The following CNTF variants were observed in gnomAD, a reference collection of about 807,000 sequenced individuals.
The protein encoded by CNTF is ciliary neurotrophic factor.
CNTF carries 14 observed loss-of-function variants against 13.0 expected under a neutral mutation model. The ratio of observed to expected loss-of-function variants is 1.07; its 90% CI spans 0.71 to 1.68. CNTF has a LOEUF of 1.68. Ranked by LOEUF, CNTF falls within the 40% of genes most tolerant of loss-of-function variation. The probability of loss-of-function intolerance (pLI) is 0.00; values close to 1 mark genes in which losing one functional copy is unlikely to be tolerated. For synonymous variants in CNTF, 98 were observed against 92.4 expected (o/e 1.06, Z -0.35); for missense variants, 283 against 252.5 (o/e 1.12, Z -0.82).
In CNTF at chr11:58,624,347, C is replaced by T. The variant is rs1449059479; in HGVS notation, c.428C>T (p.Pro143Leu). The T allele has an allele frequency of 6.2e-7, 1 of 1,613,782 alleles. No homozygotes were observed. Among genetic ancestry groups the T allele is most frequent in the Non-Finnish European group, 8.5e-7 (1 of 1,179,978 alleles). ...KIPRNEADGM[P>L]INVGDGGLFE... The stretch of plus-strand genomic sequence containing the variant: ...CCCCGCAATGAGGCTGATGGGATGC[C>T]TATTAATGTTGGAGATGGTGGTCTC... Residue 143 changes from proline (P) to leucine (L), a missense_variant, in exon 2 of 2, where the codon CCT becomes CTT. Physicochemically the swap from Pro to Leu is moderately conservative, Grantham distance 98. Transcript: ENST00000361987.
rs1031686584 is a variant in CNTF at position 58,625,305 on chromosome 11, G to C, written c.*783G>C. ...CATCGCTGGAAAACAGCTGCTGTTA[G>C]ATGTCCTCAGAAGTCAGTTGCAAAT... On this transcript the variant is annotated 3_prime_UTR_variant, in exon 2 of 2. Transcript: ENST00000361987. The C allele has an allele frequency of 2.0e-5, 3 of 152,246 alleles. No homozygotes were observed. Among genetic ancestry groups the C allele is most frequent in the Non-Finnish European group, 4.4e-5 (3 of 68,064 alleles). The allele number at this position is 152,246 out of a possible 1,614,324, so 9.4% of individuals were successfully genotyped here. A position where few individuals can be genotyped will look rare whatever the true frequency, so the allele number is the denominator to read the frequency against.
At position 58,625,562 on chromosome 11, in the gene CNTF, T is replaced by C. The variant is rs1855919239; in HGVS notation, c.*1040T>C. ...CACTTTTAATTAGTGATGCAGGCAG[T>C]GTAACCCAAGCATTTGTGGACAATG... On this transcript the variant is annotated 3_prime_UTR_variant, in exon 2 of 2. Transcript: ENST00000361987. 6.6e-6 allele frequency: 1 copy of C among 152,318 alleles called. No individual in the cohort carries two copies. Among genetic ancestry groups the C allele is most frequent in the East Asian group, 1.9e-4 (1 of 5,192 alleles). The allele number at this position is 152,318 out of a possible 1,614,324, so 9.4% of individuals were successfully genotyped here. A position where few individuals can be genotyped will look rare whatever the true frequency, so the allele number is the denominator to read the frequency against.
Position 58,625,081 on chromosome 11 carries a change from T to TA in CNTF, c.*560dup, listed in dbSNP as rs567700940. ...TACAACCTTGTGAGCAAGGTGGTGTTACTCCCATTAGGTAGATGAGAAAAC... is the reference window on the plus strand; with the variant it reads ...TACAACCTTGTGAGCAAGGTGGTGTTAACTCCCATTAGGTAGATGAGAAAAC... On this transcript the variant is annotated 3_prime_UTR_variant, in exon 2 of 2. Transcript: ENST00000361987. The TA allele has an allele frequency of 3.4e-3, 528 of 153,796 alleles. 3 individuals are homozygous for TA. The highest frequency in any genetic ancestry group is 6.4e-3 in the Non-Finnish European group (440 of 69,082). The allele number at this position is 153,796 out of a possible 1,614,324, so 9.5% of individuals were successfully genotyped here. A position where few individuals can be genotyped will look rare whatever the true frequency, so the allele number is the denominator to read the frequency against.
chr11:58,623,721 T>C (rs984263103), intron 1 of CNTF, among the ~76,000 whole-genome samples: 23 of 152,216 alleles, frequency 1.5e-4, no homozygotes, highest in Admixed American at 1.5e-3. Context: ...GATTAAAATA[T>C]TCCAGTTAAT....
At position 58,624,040 on chromosome 11, in the gene CNTF, C is replaced by T; in HGVS notation, c.121C>T (p.His41Tyr). 2 of 1,612,184 alleles carry T rather than the reference C, an allele frequency of 1.2e-6. No individual in the cohort carries two copies. The highest frequency in any genetic ancestry group is 1.7e-6 in the Non-Finnish European group (2 of 1,179,090). Residue 41 changes from histidine (H) to tyrosine (Y), a missense_variant, in exon 2 of 2, where the codon CAT becomes TAT. His to Tyr is a moderately conservative substitution (Grantham distance 83). Transcript: ENST00000361987. Reference sequence around the variant, plus strand: ...TTCCTGTATCCTCGGCCAGGTGAAGCATCAGGGCCTGAACAAGAACATCAA... The same window carrying T: ...TTCCTGTATCCTCGGCCAGGTGAAGTATCAGGGCCTGAACAAGAACATCAA... ...LTALTESYVK[H>Y]QGLNKNINLD...
rs201782463 is a variant in CNTF at position 58,624,912 on chromosome 11, C to G, written c.*390C>G. The G allele has an allele frequency of 1.0e-5, 2 of 197,046 alleles. No individual in the cohort carries two copies. The highest frequency in any genetic ancestry group is 2.8e-4 in the East Asian group (2 of 7,106). 12.2% of individuals were successfully genotyped at this position (197,046 alleles called of 1,614,324 possible). ...ATATGTTAATTCTAGTCCTGGATGACTCGGTCTGAGAAGATTCAATTTAAA... is the reference window on the plus strand; with the variant it reads ...ATATGTTAATTCTAGTCCTGGATGAGTCGGTCTGAGAAGATTCAATTTAAA... On this transcript the variant is annotated 3_prime_UTR_variant, in exon 2 of 2. Coordinates refer to ENST00000361987, the MANE Select transcript of CNTF (RefSeq NM_000614.4).
At chr11:58,623,927 GA>G in intron 1 of CNTF, 106 bp from the exon 2 acceptor site, 1 of 1,456,418 alleles carries the variant, frequency 6.9e-7, no homozygotes, top group Non-Finnish European at 9.2e-7. Context: ...TTACAACTTG[GA>G]TCCTTGGCCA....
In CNTF at chr11:58,622,834, C is replaced by T. The variant is rs761605079; in HGVS notation, c.82C>T (p.Arg28Cys). The T allele has an allele frequency of 2.2e-5, 35 of 1,613,838 alleles. No homozygotes were observed. The highest frequency in any genetic ancestry group is 4.4e-5 in the South Asian group (4 of 91,064). ...CTCTATCTGGCTAGCAAGGAAGATT[C>T]GTTCAGACCTGACTGCTCTTACGGA... The part of the protein sequence containing the change: ...SRSIWLARKI[R>C]SDLTALTESY... Residue 28 changes from arginine (R) to cysteine (C), a missense_variant, in exon 1 of 2, where the codon CGT becomes TGT. Arg to Cys is a radical substitution (Grantham distance 180). Transcript: ENST00000361987.
chr11:58,622,733 T>A lies in CNTF; in HGVS notation c.-20T>A. 1 of 1,589,816 alleles carries A rather than the reference T, an allele frequency of 6.3e-7. No individual in the cohort carries two copies. ...AAGTAAACCCAGCTGACTTGTTTCC[T>A]GGGACAGTTGAGTTAAGGGATGGCT... On this transcript the variant is annotated 5_prime_UTR_variant, in exon 1 of 2. Coordinates refer to ENST00000361987, the MANE Select transcript of CNTF (RefSeq NM_000614.4).
rs1855898873 is a variant in CNTF at position 58,624,363 on chromosome 11, T to C, written c.444T>C (p.Asp148=). 5.6e-6 allele frequency: 9 copies of C among 1,613,856 alleles called. No homozygotes were observed. The highest frequency in any genetic ancestry group is 1.3e-5 in the African/African-American group (1 of 74,878). Reference sequence around the variant, plus strand: ...ATGGGATGCCTATTAATGTTGGAGATGGTGGTCTCTTTGAGAAGAAGCTGT... The same window carrying C: ...ATGGGATGCCTATTAATGTTGGAGACGGTGGTCTCTTTGAGAAGAAGCTGT... ...EADGMPINVG[D]GGLFEKKLWG... is the part of the protein sequence containing the mutation. The change falls in exon 2 of 2, where the codon GAT becomes GAC. Residue 148 remains aspartate, a synonymous_variant. Coordinates refer to ENST00000361987, the MANE Select transcript of CNTF (RefSeq NM_000614.4).
chr11:58,623,157 A>C (rs999784219), intron 1 of CNTF, among the ~76,000 whole-genome samples: 2 of 152,306 alleles, frequency 1.3e-5, no homozygotes, highest in East Asian at 3.9e-4. Context: ...TATATTCTGA[A>C]TACTACTAGA....
rs1485506060 is a variant in CNTF at position 58,624,948 on chromosome 11, T to C, written c.*426T>C. On this transcript the variant is annotated 3_prime_UTR_variant, in exon 2 of 2. Transcript: ENST00000361987. ...AAGATTCAATTTAAAATCAGACTCT[T>C]TAGTTGATTTAAACTCTTAGAGAAT... is the stretch of plus-strand genomic sequence containing the variant. The C allele has an allele frequency of 1.1e-5, 2 of 184,842 alleles. No homozygotes were observed. The highest frequency in any genetic ancestry group is 2.3e-5 in the Non-Finnish European group (2 of 87,826). The allele number at this position is 184,842 out of a possible 1,614,324, so 11.5% of individuals were successfully genotyped here. A position where few individuals can be genotyped will look rare whatever the true frequency, so the allele number is the denominator to read the frequency against.
chr11:58,624,311 A>T lies in CNTF; in HGVS notation c.392A>T (p.Glu131Val). The change falls in exon 2 of 2, where the codon GAA becomes GTA. Residue 131 changes from glutamate to valine, a missense_variant. Glu to Val is a moderately radical substitution (Grantham distance 121, BLOSUM62 -2). Coordinates refer to ENST00000361987, the MANE Select transcript of CNTF (RefSeq NM_000614.4). Reference sequence around the variant, plus strand: ...ATAGAGGAGTTAATGATACTCCTGGAATACAAGATCCCCCGCAATGAGGCT... The same window carrying T: ...ATAGAGGAGTTAATGATACTCCTGGTATACAAGATCCCCCGCAATGAGGCT... Reference protein sequence around the residue: ...YQIEELMILLEYKIPRNEADG... With the variant: ...YQIEELMILLVYKIPRNEADG... 1 of 1,613,876 alleles carries T rather than the reference A, an allele frequency of 6.2e-7. No individual in the cohort carries two copies. Among genetic ancestry groups the T allele is most frequent in the Non-Finnish European group, 8.5e-7 (1 of 1,179,974 alleles).
At position 58,624,814 on chromosome 11, in the gene CNTF, T is replaced by C. The variant is rs1855908371; in HGVS notation, c.*292T>C. ...GGGAGCAGGGACAACGTCCTTCCAC[T>C]TCAGGGTTCTAACCTTTCTAACCCA... On this transcript the variant is annotated 3_prime_UTR_variant, in exon 2 of 2. Transcript: ENST00000361987. The C allele has an allele frequency of 3.7e-5, 14 of 382,862 alleles. No homozygotes were observed. The highest frequency in any genetic ancestry group is 3.2e-4 in the South Asian group (13 of 40,874). The allele number at this position is 382,862 out of a possible 1,614,324, so 23.7% of individuals were successfully genotyped here.
At position 58,624,074 on chromosome 11, in the gene CNTF, C is replaced by T; in HGVS notation, c.155C>T (p.Ser52Phe). ...QGLNKNINLD[S>F]ADGMPVASTD... Reference sequence around the variant, plus strand: ...CTGAACAAGAACATCAACCTGGACTCTGCGGATGGGATGCCAGTGGCAAGC... The same window carrying T: ...CTGAACAAGAACATCAACCTGGACTTTGCGGATGGGATGCCAGTGGCAAGC... The change falls in exon 2 of 2, where the codon TCT (serine) becomes TTT (phenylalanine). Residue 52 changes from serine to phenylalanine, a missense_variant. Coordinates refer to ENST00000361987, the MANE Select transcript of CNTF (RefSeq NM_000614.4). 1 of 1,611,670 alleles carries T rather than the reference C, an allele frequency of 6.2e-7. No individual in the cohort carries two copies. Among genetic ancestry groups the T allele is most frequent in the Non-Finnish European group, 8.5e-7 (1 of 1,178,786 alleles).
In CNTF at chr11:58,624,500, T is replaced by C. The variant is rs532550435; in HGVS notation, c.581T>C (p.Ile194Thr). The change falls in exon 2 of 2, where the codon ATT (isoleucine) becomes ACT (threonine). Residue 194 changes from isoleucine to threonine, a missense_variant. Coordinates refer to ENST00000361987, the MANE Select transcript of CNTF (RefSeq NM_000614.4). ...TGIPARGSHYIANNKKM is the reference protein window; with the variant it reads ...TGIPARGSHYTANNKKM Reference sequence around the variant, plus strand: ...ATCCCAGCACGTGGGAGCCATTATATTGCTAACAACAAGAAAATGTAGCAG... The same window carrying C: ...ATCCCAGCACGTGGGAGCCATTATACTGCTAACAACAAGAAAATGTAGCAG... 1.1e-5 allele frequency: 18 copies of C among 1,613,952 alleles called. No homozygotes were observed. The highest frequency in any genetic ancestry group is 1.4e-5 in the Non-Finnish European group (17 of 1,179,984).
intron 1 of CNTF, among the ~76,000 whole-genome samples, 196 bp from the exon 2 acceptor site, chr11:58,623,838 T>C (rs1320289703): frequency 1.3e-5 from 2 of 152,168 alleles, no homozygotes; most frequent in East Asian, 3.8e-4. Flanking sequence ...GGTAGTCAAT[T>C]TCAGGCAGTA....
chr11:58,622,932 A>C (rs140069746), intron 1 of CNTF, 66 bp downstream of exon 1: 167 of 1,076,318 alleles, frequency 1.6e-4, no homozygotes, highest in Non-Finnish European at 2.1e-4. Flanking sequence ...ACTTACCATC[A>C]CGCATCAGCT....
At position 58,622,728 on chromosome 11, in the gene CNTF, T is replaced by C. The variant is rs778784352; in HGVS notation, c.-25T>C. 65 of 1,573,490 alleles carry C rather than the reference T, an allele frequency of 4.1e-5. No homozygotes were observed. Among genetic ancestry groups the C allele is most frequent in the Non-Finnish European group, 5.2e-5 (60 of 1,143,474 alleles). ...GACAGAAGTAAACCCAGCTGACTTG[T>C]TTCCTGGGACAGTTGAGTTAAGGGA... On this transcript the variant is annotated 5_prime_UTR_variant, in exon 1 of 2. Transcript: ENST00000361987.
Sources: gnomAD v4.1 joint callset for allele counts (sites outside exome capture counted in the v4.1 genomes callset) on GRCh38, gnomAD v4.1.1 for gene constraint, MANE v1.5 for transcripts, NCBI Gene and HGNC (gene_info 2026-07-23, HGNC 2026-07-21) for gene names.